The following ANKDD1A variants were observed in gnomAD, a reference collection of about 807,000 sequenced individuals.
The protein encoded by ANKDD1A is ankyrin repeat and death domain containing 1A.
In ANKDD1A, 59 loss-of-function variants were observed where a neutral mutation model predicts 63.5. The ratio of observed to expected loss-of-function variants is 0.93; its 90% CI spans 0.75 to 1.15. ANKDD1A has a LOEUF of 1.15. Ranked by LOEUF, ANKDD1A falls within the 50% of genes most tolerant of loss-of-function variation. The pLI, the probability that ANKDD1A is intolerant of heterozygous loss-of-function variation, is 0.00. For missense variants in ANKDD1A, 632 were observed against 656.4 expected, an observed-to-expected ratio of 0.96 and a Z score of 0.41; for synonymous variants, 266 against 263.9, an observed-to-expected ratio of 1.01 and a Z score of -0.08.
Position 64,926,101 on chromosome 15 carries a change from A to C in ANKDD1A, c.402A>C (p.Lys134Asn). 6.2e-7 allele frequency: 1 copy of C among 1,613,992 alleles called. No individual in the cohort carries two copies. The highest frequency in any genetic ancestry group is 8.5e-7 in the Non-Finnish European group (1 of 1,179,956). Residue 134 changes from lysine (K) to asparagine (N), a missense_variant, in exon 5 of 15, where the codon AAA becomes AAC. Transcript: ENST00000319580. ...GLTLLHCAAQ[K>N]GHVPVLAFIM... ...CCTTACTGCACTGCGCAGCCCAAAA[A>C]GGCCATGTGCCTGTGCTGGCGTTCA...
At chr15:64,916,368 A>G (rs2084968631) in intron 2 of ANKDD1A, among the ~76,000 whole-genome samples, 1 of 147,506 alleles carries the variant, frequency 6.8e-6, no homozygotes, top group Admixed American at 6.9e-5. Flanking sequence ...CATATCACCC[A>G]GGCTGGAGTG....
At chr15:64,913,909 A>C (rs1365266104) in intron 1 of ANKDD1A, 1 of 152,136 alleles carries the variant, frequency 6.6e-6, no homozygotes, top group East Asian at 1.9e-4. Flanking sequence ...ATGTGTGAGC[A>C]CTTTGGGAGA....
chr15:64,943,692 G>C (rs770025509), intron 11 of ANKDD1A, 110 bp downstream of exon 11: 4 of 1,046,556 alleles, frequency 3.8e-6, no homozygotes, highest in South Asian at 1.3e-5. Flanking sequence ...TTCAAGGACT[G>C]TCATCCTTTC....
At chr15:64,915,517 A>G (rs1376981010) in intron 1 of ANKDD1A, among the ~76,000 whole-genome samples, 5 of 152,148 alleles carry the variant, frequency 3.3e-5, no homozygotes, top group African/African-American at 1.2e-4. Flanking sequence ...AATGGGGCAC[A>G]CATTTAGGCT....
At chr15:64,937,916 G>C (rs1248817948) in intron 9 of ANKDD1A, among the ~76,000 whole-genome samples, 1 of 152,004 alleles carries the variant, frequency 6.6e-6, no homozygotes, top group Non-Finnish European at 1.5e-5. Flanking sequence ...TAATACATAG[G>C]GTGAGTCTGG....
At chr15:64,953,004 C>CT (rs1219635368) in intron 14 of ANKDD1A, among the ~76,000 whole-genome samples, 4 of 115,706 alleles carry the variant, frequency 3.5e-5, no homozygotes, top group Admixed American at 2.1e-4. Flanking sequence ...CTTCTTAGTT[C>CT]TTTCTTCTCC....
At chr15:64,951,889 TTC>T (rs2085291199) in intron 14 of ANKDD1A, among the ~76,000 whole-genome samples, 4 of 65,670 alleles carry the variant, frequency 6.1e-5, no homozygotes, top group South Asian at 7.6e-4. Flanking sequence ...CTTTCCTTCT[TTC>T]TTTTTCTTTT....
chr15:64,953,594 C>CTCCCT (rs2085348660), intron 14 of ANKDD1A, among the ~76,000 whole-genome samples: 2 of 5,886 alleles, frequency 3.4e-4, no homozygotes, highest in East Asian at 0.017. Flanking sequence ...TCTTCCTTCT[C>CTCCCT]CTTTTCTTCT....
Position 64,957,287 on chromosome 15 carries a change from A to G in ANKDD1A, c.*99A>G, listed in dbSNP as rs1179326411. ...TGGCCAGGCTGGAAAATTGAAACAT[A>G]ATTTCACAATTATTCCTTTTTCCAC... is the stretch of plus-strand genomic sequence containing the variant. On this transcript the variant is annotated 3_prime_UTR_variant, in exon 15 of 15. Coordinates refer to ENST00000319580, the MANE Select transcript of ANKDD1A (RefSeq NM_182703.6). 6.8e-6 allele frequency: 2 copies of G among 292,126 alleles called. No homozygotes were observed. The highest frequency in any genetic ancestry group is 1.3e-5 in the Non-Finnish European group (2 of 149,158). 18.1% of individuals were successfully genotyped at this position (292,126 alleles called of 1,614,324 possible). A position where few individuals can be genotyped will look rare whatever the true frequency, so the allele number is the denominator to read the frequency against.
chr15:64,922,013 G>A lies in ANKDD1A; in HGVS notation c.360G>A (p.Glu120=). 6.2e-7 allele frequency: 1 copy of A among 1,614,148 alleles called. No homozygotes were observed. The highest frequency in any genetic ancestry group is 8.5e-7 in the Non-Finnish European group (1 of 1,179,998). Reference sequence around the variant, plus strand: ...ACTCAGGGGCCAAGATCCACTGTGAGAGCAAGGTAAGGCCTCAGCTGGTAG... The same window carrying A: ...ACTCAGGGGCCAAGATCCACTGTGAAAGCAAGGTAAGGCCTCAGCTGGTAG... The part of the protein sequence containing the change: ...LVNSGAKIHC[E]SKDGLTLLHC... The change falls in exon 4 of 15, where the codon GAG becomes GAA. Residue 120 remains glutamate, a synonymous_variant. Coordinates refer to ENST00000319580, the MANE Select transcript of ANKDD1A (RefSeq NM_182703.6).
intron 9 of ANKDD1A, among the ~76,000 whole-genome samples, chr15:64,940,394 T>TAGATAGATA (rs2085171363): frequency 3.2e-5 from 3 of 93,066 alleles, no homozygotes; most frequent in African/African-American, 1.1e-4. Flanking sequence ...ATAGGATGAT[T>TAGATAGATA]GATAGATAGA....
intron 14 of ANKDD1A, among the ~76,000 whole-genome samples, chr15:64,954,737 CCTTCTCCTTCTTCTTT>C (rs1301102670): frequency 1.0e-3 from 34 of 32,408 alleles, no homozygotes; most frequent in African/African-American, 1.8e-3. Context: ...CCTTCTTCTT[CCTTCTCCTTCTTCTTT>C]CTTTTTGTTC....
intron 9 of ANKDD1A, 93 bp downstream of exon 9, chr15:64,934,327 C>A (rs2085111019): frequency 8.0e-7 from 1 of 1,252,598 alleles, no homozygotes; most frequent in Non-Finnish European, 1.1e-6. Context: ...CACATCGGAT[C>A]CTTGGGGTTG....
At chr15:64,932,367 C>T (rs536162558) in intron 8 of ANKDD1A, 1 of 152,182 alleles carries the variant, frequency 6.6e-6, no homozygotes, top group African/African-American at 2.4e-5. Flanking sequence ...AAAGCCTTTT[C>T]CCCTGACTCC....
intron 9 of ANKDD1A, among the ~76,000 whole-genome samples, chr15:64,936,664 C>A (rs117521251): frequency 0.032 from 4,804 of 151,972 alleles, 97 homozygotes; most frequent in Non-Finnish European, 0.048. Context: ...CATAGTGAGA[C>A]CCCCGTATCT....
At chr15:64,953,999 CCTTT>C (rs1235335729) in intron 14 of ANKDD1A, among the ~76,000 whole-genome samples, 7 of 112,938 alleles carry the variant, frequency 6.2e-5, no homozygotes, top group Non-Finnish European at 1.1e-4. Context: ...TCCTTTCTTT[CCTTT>C]CTTCTTCCTT....
In ANKDD1A at chr15:64,917,472, C is replaced by A. The variant is rs201773834; in HGVS notation, c.225C>A (p.Asp75Glu). The change falls in exon 3 of 15, where the codon GAC becomes GAA. Residue 75 changes from aspartate to glutamate, a missense_variant. Transcript: ENST00000319580. ...RLLLEHEAAV[D>E]EEDAVGALTE... ...TTCTGGAGCACGAGGCTGCTGTGGA[C>A]GAGGAGGATGCGGTAGGGGCCCTCA... The A allele has an allele frequency of 1.2e-6, 2 of 1,600,870 alleles. No individual in the cohort carries two copies. Among genetic ancestry groups the A allele is most frequent in the Admixed American group, 3.5e-5 (2 of 57,776 alleles).
Position 64,957,117 on chromosome 15 carries a change from G to T in ANKDD1A, c.1498G>T (p.Ala500Ser). The T allele has an allele frequency of 2.2e-6, 1 of 446,322 alleles. No homozygotes were observed. Among genetic ancestry groups the T allele is most frequent in the South Asian group, 1.6e-5 (1 of 63,540 alleles). 27.6% of individuals were successfully genotyped at this position (446,322 alleles called of 1,614,324 possible). The change falls in exon 15 of 15, where the codon GCG becomes TCG. Residue 500 changes from alanine (A) to serine (S), a missense_variant. Physicochemically the swap from Ala to Ser is moderately conservative, Grantham distance 99. Transcript: ENST00000319580. ...RRDLAGWSTMARSQLTATSAS... is the reference protein window; with the variant it reads ...RRDLAGWSTMSRSQLTATSAS... ...CTCTCACCCAGGCTGGAGTACAATG[G>T]CGAGATCTCAGCTCACGGCAACCTC... is the stretch of plus-strand genomic sequence containing the variant.
At chr15:64,947,192 A>C (rs1226272537) in intron 12 of ANKDD1A, among the ~76,000 whole-genome samples, 1 of 152,160 alleles carries the variant, frequency 6.6e-6, no homozygotes, top group Non-Finnish European at 1.5e-5. Flanking sequence ...TCCGGGTGGA[A>C]GAACAGTGGG....
Sources: allele counts gnomAD v4.1 joint callset (sites outside exome capture counted in the v4.1 genomes callset), GRCh38; gene constraint gnomAD v4.1.1; transcripts MANE v1.5; gene names NCBI Gene and HGNC (gene_info 2026-07-23, HGNC 2026-07-21).